The following NCR1 variants were observed in gnomAD, a reference collection of about 807,000 sequenced individuals.
The protein encoded by NCR1 is natural cytotoxicity triggering receptor 1, also known as NK cell-activating receptor.
A neutral mutation model predicts 32.5 loss-of-function variants in NCR1; 30 were observed. The ratio of observed to expected loss-of-function variants is 0.92; its 90% CI spans 0.69 to 1.25. The LOEUF (loss-of-function observed/expected upper bound fraction) is 1.25. Ranked by LOEUF, NCR1 falls within the 50% of genes most tolerant of loss-of-function variation. The probability of loss-of-function intolerance (pLI) is 0.00; values close to 1 mark genes in which losing one functional copy is unlikely to be tolerated. For missense variants in NCR1, 369 were observed against 380.7 expected, an observed-to-expected ratio of 0.97 and a Z score of 0.26; for synonymous variants, 169 against 143.4, an observed-to-expected ratio of 1.18 and a Z score of -1.28.
At chr19:54,908,035 GA>G (rs925147280) in intron 3 of NCR1, among the ~76,000 whole-genome samples, 4 of 151,840 alleles carry the variant, frequency 2.6e-5, no homozygotes, top group African/African-American at 9.7e-5. Context: ...GTTTCTCGGA[GA>G]GGGGGATTTG....
chr19:54,936,516 A>G, the NCR1 span: 5 of 1,209,728 alleles, frequency 4.1e-6, no homozygotes, highest in Admixed American at 7.2e-5. Context: ...GCTGTTTCAC[A>G]TTTAGAAATT....
the NCR1 span, among the ~76,000 whole-genome samples, chr19:54,934,230 C>T: frequency 1.7e-3 from 253 of 152,218 alleles, no homozygotes; most frequent in South Asian, 3.7e-3. The surrounding 1 kb of genome is among the most constrained non-coding windows in gnomAD (Gnocchi z 6.7). Flanking sequence ...CATGAGCCAC[C>T]GCACCCGGCC....
chr19:54,910,214 T>A (rs1329129112), intron 5 of NCR1, 149 bp downstream of exon 5: 8 of 734,224 alleles, frequency 1.1e-5, no homozygotes, highest in African/African-American at 1.8e-5. Flanking sequence ...AGATGGTGCA[T>A]CATTTGAGGT....
chr19:54,931,644 C>T, the NCR1 span, among the ~76,000 whole-genome samples: 2 of 148,488 alleles, frequency 1.3e-5, no homozygotes, highest in Non-Finnish European at 3.0e-5. Context: ...GCAGAGATTG[C>T]ACCATTGCAC....
At chr19:54,914,951 C>T (rs531716805), downstream of NCR1, among the ~76,000 whole-genome samples, 1 of 152,142 alleles carries the variant, frequency 6.6e-6, no homozygotes, top group South Asian at 2.1e-4. Flanking sequence ...TCATGTTGCC[C>T]TGGGTGGTCT....
At chr19:54,903,111 C>G (rs1237545573), upstream of NCR1, among the ~76,000 whole-genome samples, 1 of 151,466 alleles carries the variant, frequency 6.6e-6, no homozygotes, top group East Asian at 1.9e-4. Flanking sequence ...GCTTGAGGGA[C>G]AGAGTGAGAT....
At chr19:54,922,860 A>G in the NCR1 span, among the ~76,000 whole-genome samples, 1 of 151,424 alleles carries the variant, frequency 6.6e-6, no homozygotes, top group Non-Finnish European at 1.5e-5. Flanking sequence ...CGACAGAGAC[A>G]CACACAGAGA....
the NCR1 span, among the ~76,000 whole-genome samples, chr19:54,899,159 C>T: frequency 6.6e-6 from 1 of 152,016 alleles, no homozygotes; most frequent in Non-Finnish European, 1.5e-5. Flanking sequence ...CACCTCAGAC[C>T]GTTTGCCCAT....
chr19:54,914,188 T>G (rs530675215), downstream of NCR1, among the ~76,000 whole-genome samples: 4 of 150,324 alleles, frequency 2.7e-5, no homozygotes, highest in East Asian at 7.8e-4. Context: ...TCTTTTTTTT[T>G]GTTTGTTTTG....
chr19:54,930,624 G>A, the NCR1 span: 10 of 1,613,014 alleles, frequency 6.2e-6, no homozygotes, highest in Admixed American at 1.2e-4. Flanking sequence ...GCGCCTCTGA[G>A]AGATATCTAC....
chr19:54,923,899 TC>T, the NCR1 span: 146,281 of 1,611,612 alleles, frequency 0.091, 9,093 homozygotes, highest in East Asian at 0.3. Context: ...ACACAAATGT[TC>T]CCAGAAATTC....
At chr19:54,927,829 A>C in the NCR1 span, 848,112 of 1,529,172 alleles carry the variant, frequency 0.55, 236,802 homozygotes, top group East Asian at 0.72. Context: ...TAGTGGCTCA[A>C]GCGTGTAATC....
chr19:54,930,499 C>T, the NCR1 span: 7 of 1,598,186 alleles, frequency 4.4e-6, no homozygotes, highest in South Asian at 3.3e-5. Context: ...AATCGCCTAC[C>T]GTAGGTGTTT....
At chr19:54,903,450 A>G (rs1178341300), upstream of NCR1, among the ~76,000 whole-genome samples, 2 of 118,946 alleles carry the variant, frequency 1.7e-5, no homozygotes, top group South Asian at 2.6e-4. Flanking sequence ...ATGTATGTAT[A>G]TACATATATG....
chr19:54,936,838 C>A, the NCR1 span, among the ~76,000 whole-genome samples: 8 of 152,118 alleles, frequency 5.3e-5, no homozygotes, highest in African/African-American at 1.9e-4. Context: ...TCACTTGAAT[C>A]CAGGAGGCAG....
intron 2 of NCR1, 31 bp from the exon 3 acceptor site, chr19:54,906,492 G>A (rs770758973): frequency 1.1e-5 from 17 of 1,600,120 alleles, no homozygotes; most frequent in Non-Finnish European, 1.4e-5. Flanking sequence ...AGGGGGCTCC[G>A]CTGGAACTCC....
At chr19:54,906,112 C>T (rs931319472), upstream of NCR1, 33 of 1,593,496 alleles carry the variant, frequency 2.1e-5, no homozygotes, top group Admixed American at 6.7e-5. Context: ...TCACCCACCA[C>T]TTCCTGTGTA....
At chr19:54,921,090 C>T (rs868120254), downstream of NCR1, among the ~76,000 whole-genome samples, 9 of 152,122 alleles carry the variant, frequency 5.9e-5, no homozygotes, top group Admixed American at 1.3e-4. Context: ...AGAGTCCGAC[C>T]CAGATGTTTT....
rs551285301 is a variant in NCR1 at position 54,913,030 on chromosome 19, G to C, written c.*159G>C. 4.5e-5 allele frequency: 28 copies of C among 616,172 alleles called. No homozygotes were observed. The South Asian group carries it at 7.5e-4, about 16-fold the overall frequency. 38.2% of individuals were successfully genotyped at this position (616,172 alleles called of 1,614,324 possible). On this transcript the variant is annotated 3_prime_UTR_variant, in exon 7 of 7. Coordinates refer to ENST00000291890, the MANE Select transcript of NCR1 (RefSeq NM_004829.7). The stretch of plus-strand genomic sequence containing the variant: ...TCAGAGCATCCCGGACGATGCAGAG[G>C]GTGGGAGAACTACATGCTAAATTTC...
Sources: allele counts gnomAD v4.1 joint callset (sites outside exome capture counted in the v4.1 genomes callset), GRCh38; gene constraint gnomAD v4.1.1; non-coding constraint Gnocchi (gnomAD v3.1); transcripts MANE v1.5; gene names NCBI Gene and HGNC (gene_info 2026-07-23, HGNC 2026-07-21).